STK32A: variants seen among roughly 807,000 people sequenced by gnomAD.
The protein encoded by STK32A is serine/threonine-protein kinase 32A.
STK32A carries 41 observed loss-of-function variants against 53.2 expected under a neutral mutation model. That is an observed-to-expected ratio of 0.77 (90% CI 0.60 to 1.00). The LOEUF is 1.00. Among genes scored for constraint, STK32A ranks in the 50% least tolerant of loss-of-function variants. STK32A has a pLI of 0.00. For missense variants in STK32A, 458 were observed against 485.8 expected (o/e 0.94, Z 0.54); for synonymous variants, 166 against 162.8 (o/e 1.02, Z -0.15).
At chr5:147,356,852 A>G (rs561747946) in intron 7 of STK32A, among the ~76,000 whole-genome samples, 1 of 152,220 alleles carries the variant, frequency 6.6e-6, no homozygotes, top group African/African-American at 2.4e-5. Context: ...AAGTATTTCA[A>G]ATAGGGGATA....
the STK32A span, chr5:147,394,114 A>G: frequency 6.2e-7 from 1 of 1,613,872 alleles, no homozygotes; most frequent in Non-Finnish European, 8.5e-7. Context: ...CCCCTCATCC[A>G]CTTGGGTGCC....
At chr5:147,243,182 T>TA (rs1753651236) in intron 2 of STK32A, among the ~76,000 whole-genome samples, 1 of 66,904 alleles carries the variant, frequency 1.5e-5, no homozygotes, top group Non-Finnish European at 3.4e-5. Context: ...ATATTTCCAA[T>TA]ATATAGATAT....
At chr5:147,375,890 A>T (rs1287535451) in intron 11 of STK32A, 1 of 152,198 alleles carries the variant, frequency 6.6e-6, no homozygotes, top group Non-Finnish European at 1.5e-5. Context: ...TATAATGATG[A>T]TGAAGTAATA....
At chr5:147,267,691 C>T (rs1185035137) in intron 2 of STK32A, among the ~76,000 whole-genome samples, 1 of 152,114 alleles carries the variant, frequency 6.6e-6, no homozygotes, top group Non-Finnish European at 1.5e-5. Context: ...GCTTCAAACC[C>T]ATAAGGATAG....
At chr5:147,317,368 C>G (rs1259974694) in intron 4 of STK32A, among the ~76,000 whole-genome samples, 1 of 101,506 alleles carries the variant, frequency 9.9e-6, no homozygotes, top group South Asian at 3.3e-4. Flanking sequence ...CCCTCTGTTT[C>G]CCAGGCTAGA....
In STK32A at chr5:147,361,572, G is replaced by T; in HGVS notation, c.618G>T (p.Trp206Cys). 6.2e-6 allele frequency: 10 copies of T among 1,613,490 alleles called. No individual in the cohort carries two copies. Among genetic ancestry groups the T allele is most frequent in the Non-Finnish European group, 8.5e-6 (10 of 1,179,734 alleles). Residue 206 changes from tryptophan to cysteine, a missense_variant, in exon 8 of 13, where the codon TGG (tryptophan) becomes TGT (cysteine). Trp to Cys is a radical substitution (Grantham distance 215). Transcript: ENST00000397936. ...CAGGCTATTCCTTTGCTGTTGACTG[G>T]TGGTCCCTGGGAGTGACGGCATATG... ...KGAGYSFAVDWWSLGVTAYEL... is the reference protein window; with the variant it reads ...KGAGYSFAVDCWSLGVTAYEL...
chr5:147,326,423 G>A (rs1294230969), intron 5 of STK32A, among the ~76,000 whole-genome samples: 1 of 152,142 alleles, frequency 6.6e-6, no homozygotes, highest in Non-Finnish European at 1.5e-5. Flanking sequence ...CTATTCAGGT[G>A]CATTTCTGTA....
At chr5:147,323,835 G>A in intron 4 of STK32A, 63 bp from the exon 5 acceptor site, 21 of 1,390,056 alleles carry the variant, frequency 1.5e-5, no homozygotes, top group East Asian at 2.4e-5. Context: ...GGTCTCATTT[G>A]TCTCTGAGAC....
rs1757648740 is a variant in STK32A at position 147,386,531 on chromosome 5, T to G, written c.*2548T>G. ...TTAGGATCTCCACTGTGATGAGAGT[T>G]AAGCCATAGTGCCATTTCACACGTA... On this transcript the variant is annotated 3_prime_UTR_variant, in exon 13 of 13. Coordinates refer to ENST00000397936, the MANE Select transcript of STK32A (RefSeq NM_001112724.2). 1 of 152,216 alleles carries G rather than the reference T, an allele frequency of 6.6e-6. No individual in the cohort carries two copies. The highest frequency in any genetic ancestry group is 1.5e-5 in the Non-Finnish European group (1 of 68,032). The allele number at this position is 152,216 out of a possible 1,614,324, so 9.4% of individuals were successfully genotyped here.
intron 7 of STK32A, among the ~76,000 whole-genome samples, chr5:147,353,675 A>G (rs529462740): frequency 8.0e-4 from 121 of 152,162 alleles, no homozygotes; most frequent in Admixed American, 2.8e-3. Context: ...CAGGAAAATC[A>G]CTTGAACCTG....
At chr5:147,244,690 A>G (rs1206759405) in intron 2 of STK32A, among the ~76,000 whole-genome samples, 1 of 152,236 alleles carries the variant, frequency 6.6e-6, no homozygotes, top group Non-Finnish European at 1.5e-5. Flanking sequence ...ACCACAAGAA[A>G]AGTCTCCAAA....
intron 2 of STK32A, 148 bp from the exon 3 acceptor site, chr5:147,277,976 G>C (rs181006901): frequency 3.0e-6 from 2 of 662,506 alleles, no homozygotes. Context: ...TTCAACAGAT[G>C]TTTACTGGAT....
intron 4 of STK32A, 66 bp downstream of exon 4, chr5:147,279,464 C>A (rs568710824): frequency 7.0e-6 from 10 of 1,435,540 alleles, no homozygotes; most frequent in Middle Eastern, 1.8e-4. Flanking sequence ...GGGAGGTCCC[C>A]AAATGCCTCT....
chr5:147,384,645 T>A lies in STK32A; in HGVS notation c.*662T>A, dbSNP rs1444990823. On this transcript the variant is annotated 3_prime_UTR_variant, in exon 13 of 13. Coordinates refer to ENST00000397936, the MANE Select transcript of STK32A (RefSeq NM_001112724.2). ...TCTTCAACAATGTGAAAGTGGTAAC[T>A]TGAAATTGGTAATAATGGGAGCATT... is the stretch of plus-strand genomic sequence containing the variant. 4 of 441,592 alleles carry A rather than the reference T, an allele frequency of 9.1e-6. No homozygotes were observed. The highest frequency in any genetic ancestry group is 8.1e-5 in the African/African-American group (4 of 49,608). The allele number at this position is 441,592 out of a possible 1,614,324, so 27.4% of individuals were successfully genotyped here. A position where few individuals can be genotyped will look rare whatever the true frequency, so the allele number is the denominator to read the frequency against.
At chr5:147,400,764 G>A in the STK32A span, 1 of 1,614,200 alleles carries the variant, frequency 6.2e-7, no homozygotes, top group Non-Finnish European at 8.5e-7. Flanking sequence ...CTGTGAAGTT[G>A]TCCTTCCCAA....
chr5:147,302,613 T>A (rs1753194272), intron 4 of STK32A, among the ~76,000 whole-genome samples: 1 of 152,158 alleles, frequency 6.6e-6, no homozygotes, highest in Admixed American at 6.5e-5. Flanking sequence ...TACAAGACTA[T>A]AGGGAGGCAG....
downstream of STK32A, chr5:147,390,924 C>T (rs1039789056): frequency 6.6e-5 from 10 of 152,662 alleles, no homozygotes; most frequent in South Asian, 4.1e-4. Context: ...TCAAACCAAA[C>T]AGCTCTTCAC....
chr5:147,246,014 ACTGT>A (rs1753756818), intron 2 of STK32A, among the ~76,000 whole-genome samples: 1 of 152,198 alleles, frequency 6.6e-6, no homozygotes, highest in African/African-American at 2.4e-5. Context: ...TTGTTATTTG[ACTGT>A]CTATCATGGT....
At chr5:147,309,484 T>C (rs1256489314) in intron 4 of STK32A, among the ~76,000 whole-genome samples, 1 of 152,192 alleles carries the variant, frequency 6.6e-6, no homozygotes, top group Non-Finnish European at 1.5e-5. Flanking sequence ...TCTCCTTAGA[T>C]TGCACTTAAT....
Sources: allele counts gnomAD v4.1 joint callset (sites outside exome capture counted in the v4.1 genomes callset), GRCh38; gene constraint gnomAD v4.1.1; transcripts MANE v1.5; gene names NCBI Gene and HGNC (gene_info 2026-07-23, HGNC 2026-07-21).